EPHB1: variants seen among roughly 807,000 people sequenced by gnomAD.
EPHB1 encodes EPH receptor B1.
EPHB1 carries 30 observed loss-of-function variants against 94.4 expected under a neutral mutation model. The observed-to-expected ratio is 0.32, with a 90% CI of 0.24 to 0.43. The LOEUF (loss-of-function observed/expected upper bound fraction) is 0.43. EPHB1 is among the 20% of genes least tolerant of loss of function. The pLI, the probability that EPHB1 is intolerant of heterozygous loss-of-function variation, is 1.00. For synonymous variants in EPHB1, 522 were observed against 489.1 expected (o/e 1.07, Z -0.89); for missense variants, 1,055 against 1,308.3 (o/e 0.81, Z 2.99).
At chr3:135,189,368 C>A (rs1336439822) in intron 10 of EPHB1, among the ~76,000 whole-genome samples, 1 of 152,206 alleles carries the variant, frequency 6.6e-6, no homozygotes, top group African/African-American at 2.4e-5. Flanking sequence ...TGGTTTTCAG[C>A]CTGAGCGGCA....
At chr3:135,176,262 C>T (rs1194177390) in intron 9 of EPHB1, among the ~76,000 whole-genome samples, 1 of 152,198 alleles carries the variant, frequency 6.6e-6, no homozygotes, top group African/African-American at 2.4e-5. Context: ...CCCTATCAGA[C>T]CTTAGGGGAA....
intron 3 of EPHB1, among the ~76,000 whole-genome samples, chr3:134,995,518 A>C (rs941399772): frequency 6.6e-6 from 1 of 152,218 alleles, no homozygotes; most frequent in African/African-American, 2.4e-5. Flanking sequence ...ATGACTAATG[A>C]GCATATGAAA....
intron 3 of EPHB1, among the ~76,000 whole-genome samples, chr3:135,010,558 G>GT (rs58579496): frequency 0.041 from 4,542 of 110,320 alleles, 143 homozygotes; most frequent in East Asian, 0.098. Flanking sequence ...ATTTTTTTCT[G>GT]TTTTTTTTTT....
chr3:135,239,286 C>CT (rs5852812), intron 12 of EPHB1, among the ~76,000 whole-genome samples: 60,214 of 150,160 alleles, frequency 0.4, 12,104 homozygotes, highest in South Asian at 0.55. Flanking sequence ...CTGTTTGCTC[C>CT]TTTTTTTTTT....
intron 10 of EPHB1, among the ~76,000 whole-genome samples, chr3:135,182,820 C>G (rs2107705950): frequency 6.6e-6 from 1 of 152,252 alleles, no homozygotes; most frequent in African/African-American, 2.4e-5. Flanking sequence ...CTTGCAAGAG[C>G]CAATTATGCA....
At chr3:135,227,182 A>T (rs539014674) in intron 12 of EPHB1, among the ~76,000 whole-genome samples, 19 of 152,380 alleles carry the variant, frequency 1.2e-4, no homozygotes, top group Non-Finnish European at 2.1e-4. Context: ...GCTTCAAAAC[A>T]TCAAAAAATA....
intron 5 of EPHB1, among the ~76,000 whole-genome samples, chr3:135,138,427 G>A (rs1201368537): frequency 6.6e-6 from 1 of 152,120 alleles, no homozygotes; most frequent in Admixed American, 6.5e-5. Context: ...GTATTTGCAT[G>A]CATAAAGAAT....
intron 1 of EPHB1, among the ~76,000 whole-genome samples, chr3:134,817,546 A>G (rs910816373): frequency 4.6e-5 from 7 of 152,228 alleles, no homozygotes; most frequent in Non-Finnish European, 1.5e-5. Context: ...AGAGGCTGCT[A>G]TTGGGAGTCA....
intron 4 of EPHB1, among the ~76,000 whole-genome samples, chr3:135,122,477 T>C (rs1358005723): frequency 6.6e-6 from 1 of 152,176 alleles, no homozygotes; most frequent in Non-Finnish European, 1.5e-5. Context: ...TTCCACTCTT[T>C]GGCCCCACCT....
At chr3:135,247,836 C>T (rs1312545048) in intron 13 of EPHB1, among the ~76,000 whole-genome samples, 1 of 152,182 alleles carries the variant, frequency 6.6e-6, no homozygotes, top group Non-Finnish European at 1.5e-5. Flanking sequence ...TAATCCCTTT[C>T]CTCCCTTTCT....
chr3:134,865,069 C>CGT (rs56796182), intron 1 of EPHB1, among the ~76,000 whole-genome samples: 13,822 of 150,446 alleles, frequency 0.092, 646 homozygotes, highest in Non-Finnish European at 0.11. Context: ...GTAAAACATA[C>CGT]GTGTGTGTGT....
chr3:135,172,502 AT>A (rs1183722786), intron 9 of EPHB1, among the ~76,000 whole-genome samples: 2 of 152,190 alleles, frequency 1.3e-5, no homozygotes, highest in African/African-American at 4.8e-5. Flanking sequence ...ATTGGACAAA[AT>A]TACACCCAGA....
At position 135,239,971 on chromosome 3, in the gene EPHB1, C is replaced by T. The variant is rs573872842; in HGVS notation, c.2347-1177C>T. ...AGAGAGGTAGGTTACTTGCCCCCGC[C>T]GCACAGGTAGAAAGAGGCAGTACTG... is the stretch of plus-strand genomic sequence containing the variant. On this transcript the variant is annotated intron_variant, in intron 12 of 15. Coordinates refer to ENST00000398015, the MANE Select transcript of EPHB1 (RefSeq NM_004441.5). Among the ~76,000 whole-genome samples the T allele has an allele frequency of 2.6e-3, 397 of 152,222 alleles. 1 individual carries two copies. The highest frequency in any genetic ancestry group is 4.8e-3 in the Non-Finnish European group (324 of 68,014).
chr3:134,969,312 C>A (rs1203622713), intron 3 of EPHB1, among the ~76,000 whole-genome samples: 2 of 152,114 alleles, frequency 1.3e-5, no homozygotes, highest in Non-Finnish European at 2.9e-5. Context: ...TATGTTTATC[C>A]TCTTTTGTGA....
At chr3:134,997,668 G>T (rs541013667) in intron 3 of EPHB1, among the ~76,000 whole-genome samples, 1 of 152,028 alleles carries the variant, frequency 6.6e-6, no homozygotes, top group Non-Finnish European at 1.5e-5. Context: ...CTATTCTTCC[G>T]TTTTGGATAA....
At chr3:135,095,990 T>C (rs1039529391) in intron 3 of EPHB1, among the ~76,000 whole-genome samples, 1 of 152,210 alleles carries the variant, frequency 6.6e-6, no homozygotes, top group African/African-American at 2.4e-5. Context: ...TCTGTCTTCC[T>C]CCACCAGGAT....
At chr3:134,991,170 A>C (rs975609545) in intron 3 of EPHB1, among the ~76,000 whole-genome samples, 2 of 152,180 alleles carry the variant, frequency 1.3e-5, no homozygotes, top group African/African-American at 2.4e-5. Flanking sequence ...TGTTTGCTCT[A>C]ATGTGGGCTG....
At chr3:134,906,358 G>A (rs976166494) in intron 1 of EPHB1, among the ~76,000 whole-genome samples, 4 of 152,146 alleles carry the variant, frequency 2.6e-5, no homozygotes, top group Admixed American at 1.3e-4. Flanking sequence ...AGTATCCTCT[G>A]GGTTCCAGCT....
At chr3:134,854,152 T>C (rs1460438164) in intron 1 of EPHB1, among the ~76,000 whole-genome samples, 4 of 152,148 alleles carry the variant, frequency 2.6e-5, no homozygotes, top group African/African-American at 7.2e-5. Flanking sequence ...CTGGTATTAC[T>C]GGGAGTAATT....
Sources: allele counts gnomAD v4.1 joint callset (sites outside exome capture counted in the v4.1 genomes callset), GRCh38; gene constraint gnomAD v4.1.1; transcripts MANE v1.5; gene names NCBI Gene and HGNC (gene_info 2026-07-23, HGNC 2026-07-21).